The following INTS9 variants were observed in gnomAD, a reference collection of about 807,000 sequenced individuals.
The protein encoded by INTS9 is integrator complex subunit 9, also known as protein related to CPSF subunits of 74 kDa.
In INTS9, 55 loss-of-function variants were observed where a neutral mutation model predicts 79.7. The observed-to-expected ratio is 0.69, with a 90% confidence interval of 0.56 to 0.86. INTS9 has a LOEUF of 0.86. Among genes scored for constraint, INTS9 ranks in the 40% least tolerant of loss-of-function variants. INTS9 has a pLI of 0.00. For missense variants in INTS9, 721 were observed against 831.5 expected (o/e 0.87, Z 1.64); for synonymous variants, 319 against 325.2 (o/e 0.98, Z 0.20).
At chr8:28,886,805 A>G (rs986130825) in intron 1 of INTS9, among the ~76,000 whole-genome samples, 1 of 152,224 alleles carries the variant, frequency 6.6e-6, no homozygotes, top group Admixed American at 6.5e-5. Context: ...TAAAATGGGA[A>G]TACTGTCACC....
intron 4 of INTS9, among the ~76,000 whole-genome samples, chr8:28,839,957 A>C: frequency 7.0e-6 from 1 of 143,192 alleles, no homozygotes; most frequent in African/African-American, 2.6e-5. Flanking sequence ...TAATTAAACT[A>C]AAGAGCTTCT....
intron 11 of INTS9, among the ~76,000 whole-genome samples, chr8:28,782,782 G>T (rs897336542): frequency 6.6e-6 from 1 of 152,130 alleles, no homozygotes; most frequent in African/African-American, 2.4e-5. Context: ...TGGATACTGT[G>T]GCTAGAGCCC....
intron 6 of INTS9, among the ~76,000 whole-genome samples, chr8:28,831,204 A>G (rs1440710353): frequency 2.6e-5 from 4 of 152,262 alleles, no homozygotes; most frequent in Non-Finnish European, 5.9e-5. Context: ...AAACTAACAT[A>G]GGAACAGAAA....
intron 6 of INTS9, among the ~76,000 whole-genome samples, chr8:28,814,107 G>A (rs1017494634): frequency 6.6e-6 from 1 of 151,178 alleles, no homozygotes; most frequent in Non-Finnish European, 1.5e-5. Context: ...GTCTTGCTAT[G>A]TCGCCCAAAA....
chr8:28,842,659 A>G (rs1407769222), intron 4 of INTS9, among the ~76,000 whole-genome samples: 1 of 145,400 alleles, frequency 6.9e-6, no homozygotes, highest in Non-Finnish European at 1.5e-5. Flanking sequence ...GAAACGTTTC[A>G]CCTCCCACTT....
At chr8:28,844,862 G>A (rs117516728) in intron 4 of INTS9, among the ~76,000 whole-genome samples, 2,759 of 152,248 alleles carry the variant, frequency 0.018, 40 homozygotes, top group Middle Eastern at 0.037. Context: ...ATACTTTATG[G>A]TGGTAAATGA....
In INTS9 at chr8:28,839,611, G is replaced by C. The variant is rs555487965; in HGVS notation, c.262-1835C>G. Among the ~76,000 whole-genome samples, 907 of 152,240 alleles carry C rather than the reference G, an allele frequency of 6.0e-3. 4 individuals are homozygous for C. The highest frequency in any genetic ancestry group is 0.019 in the African/African-American group (804 of 41,532). ...AACAGAGATATAGATCAATGGAACA[G>C]AACAGAGCCCTCAGAAATAACGCCG... On this transcript the variant is annotated intron_variant, in intron 4 of 16. Transcript: ENST00000521022.
At chr8:28,837,510 C>A in intron 5 of INTS9, 127 bp downstream of exon 5, 4 of 997,400 alleles carry the variant, frequency 4.0e-6, no homozygotes, top group Non-Finnish European at 5.8e-6. Context: ...CTTACTCCTG[C>A]CTGTTCTTTG....
At chr8:28,821,585 CA>C (rs1805832300) in intron 6 of INTS9, among the ~76,000 whole-genome samples, 1 of 152,152 alleles carries the variant, frequency 6.6e-6, no homozygotes, top group Non-Finnish European at 1.5e-5. Flanking sequence ...AAACCACCAC[CA>C]CCACCCAGTG....
chr8:28,812,400 T>C lies in INTS9; in HGVS notation c.671A>G (p.Asn224Ser), dbSNP rs766707122. 5.0e-6 allele frequency: 8 copies of C among 1,613,942 alleles called. No homozygotes were observed. Among genetic ancestry groups the C allele is most frequent in the Non-Finnish European group, 5.9e-6 (7 of 1,179,956 alleles). Residue 224 changes from asparagine (N) to serine (S), a missense_variant, in exon 8 of 17, where the codon AAC becomes AGC. Asn to Ser is a conservative substitution (Grantham distance 46). Transcript: ENST00000521022. Reference protein sequence around the residue: ...LSSGYALGSSNWIIQSHYEKV... With the variant: ...LSSGYALGSSSWIIQSHYEKV... ...CTCGTAATGAGACTGGATGATCCAGTTGGAGCTCCCAAGGGCATAGCCAGA... is the reference window on the plus strand; with the variant it reads ...CTCGTAATGAGACTGGATGATCCAGCTGGAGCTCCCAAGGGCATAGCCAGA...
chr8:28,770,320 T>G (rs1164330533), intron 15 of INTS9, among the ~76,000 whole-genome samples: 1 of 152,240 alleles, frequency 6.6e-6, no homozygotes, highest in African/African-American at 2.4e-5. Flanking sequence ...GAGTAAATTC[T>G]CCAGAATACA....
At chr8:28,879,468 G>C (rs1809577617) in intron 1 of INTS9, among the ~76,000 whole-genome samples, 1 of 152,152 alleles carries the variant, frequency 6.6e-6, no homozygotes, top group African/African-American at 2.4e-5. Flanking sequence ...TCATATTTAG[G>C]AGTGAACAAC....
intron 4 of INTS9, among the ~76,000 whole-genome samples, chr8:28,843,656 G>C (rs1436779932): frequency 6.6e-6 from 1 of 151,806 alleles, no homozygotes; most frequent in Non-Finnish European, 1.5e-5. Context: ...AGAAGTACAA[G>C]TTTTCATGCC....
chr8:28,814,442 G>A (rs1283519604), intron 6 of INTS9, among the ~76,000 whole-genome samples: 1 of 152,012 alleles, frequency 6.6e-6, no homozygotes, highest in African/African-American at 2.4e-5. Flanking sequence ...GCCCAGGAAA[G>A]TTCAATGCAA....
intron 3 of INTS9, among the ~76,000 whole-genome samples, chr8:28,848,438 T>A (rs1046433813): frequency 6.6e-6 from 1 of 152,162 alleles, no homozygotes; most frequent in African/African-American, 2.4e-5. Context: ...GATAGACAAT[T>A]TCCTCCCCTT....
chr8:28,837,417 T>C, intron 5 of INTS9, among the ~76,000 whole-genome samples: 1 of 152,184 alleles, frequency 6.6e-6, no homozygotes, highest in East Asian at 1.9e-4. Flanking sequence ...TTCCAATTAA[T>C]TTATAAGAAA....
At chr8:28,854,079 A>T (rs1808007882) in intron 2 of INTS9, among the ~76,000 whole-genome samples, 2 of 151,584 alleles carry the variant, frequency 1.3e-5, no homozygotes, top group Admixed American at 1.3e-4. Flanking sequence ...CCAAGCTGGA[A>T]AGCACTTGTG....
chr8:28,868,580 A>G (rs1808890486), intron 1 of INTS9, among the ~76,000 whole-genome samples: 1 of 152,232 alleles, frequency 6.6e-6, no homozygotes, highest in South Asian at 2.1e-4. Context: ...AGCATAAAGT[A>G]CTAGTTCTAA....
chr8:28,857,121 G>A (rs142737907), intron 2 of INTS9, among the ~76,000 whole-genome samples: 87 of 152,232 alleles, frequency 5.7e-4, no homozygotes, highest in African/African-American at 2.0e-3. Context: ...CCAGTCCACT[G>A]CTGAGGGGCA....
Sources: gnomAD v4.1 joint callset for allele counts (sites outside exome capture counted in the v4.1 genomes callset) on GRCh38, gnomAD v4.1.1 for gene constraint, MANE v1.5 for transcripts, NCBI Gene and HGNC (gene_info 2026-07-23, HGNC 2026-07-21) for gene names.